FBXL7: variants seen among roughly 807,000 people sequenced by gnomAD.
FBXL7 encodes F-box/LRR-repeat protein 7.
In FBXL7, 12 loss-of-function variants were observed where a neutral mutation model predicts 38.3. The ratio of observed to expected loss-of-function variants is 0.31; its 90% CI spans 0.20 to 0.51. The LOEUF is 0.51. FBXL7 is among the 20% of genes least tolerant of loss of function. FBXL7 has a pLI of 0.98. For synonymous variants in FBXL7, 297 were observed against 300.9 expected (o/e 0.99, Z 0.13); for missense variants, 567 against 676.4 (o/e 0.84, Z 1.79).
intron 2 of FBXL7, among the ~76,000 whole-genome samples, chr5:15,829,028 T>C (rs995596449): frequency 1.3e-5 from 2 of 152,222 alleles, no homozygotes; most frequent in African/African-American, 4.8e-5. Flanking sequence ...AACGCACCCT[T>C]AATTTGAATG....
chr5:15,683,946 C>G (rs1742930723), intron 2 of FBXL7, among the ~76,000 whole-genome samples: 2 of 152,082 alleles, frequency 1.3e-5, no homozygotes, highest in South Asian at 2.1e-4. Context: ...TGTTGCCTCT[C>G]AAGGACTATA....
chr5:15,590,734 C>CCTGGA (rs1163466020), intron 1 of FBXL7, among the ~76,000 whole-genome samples: 1 of 152,124 alleles, frequency 6.6e-6, no homozygotes, highest in East Asian at 1.9e-4. Context: ...TTAGTCCTCC[C>CCTGGA]CTGGACTGTG....
chr5:15,814,247 A>G (rs2126756563), intron 2 of FBXL7, among the ~76,000 whole-genome samples: 1 of 152,334 alleles, frequency 6.6e-6, no homozygotes, highest in East Asian at 1.9e-4. Context: ...CTATGCAGCC[A>G]TAAAAAAGGA....
At chr5:15,833,138 G>A (rs943406846) in intron 2 of FBXL7, among the ~76,000 whole-genome samples, 4 of 152,052 alleles carry the variant, frequency 2.6e-5, no homozygotes, top group East Asian at 1.9e-4. Context: ...CGTCAGTCTC[G>A]GGTATGTCTT....
chr5:15,800,877 T>G (rs923868739), intron 2 of FBXL7, among the ~76,000 whole-genome samples: 2 of 152,178 alleles, frequency 1.3e-5, no homozygotes, highest in Admixed American at 1.3e-4. Context: ...ACAACTGTTT[T>G]GGGGAATGTG....
At chr5:15,787,812 G>T (rs1013471101) in intron 2 of FBXL7, among the ~76,000 whole-genome samples, 5 of 152,154 alleles carry the variant, frequency 3.3e-5, no homozygotes, top group African/African-American at 9.7e-5. Context: ...TTAACATGTG[G>T]TCGTTTCTAT....
chr5:15,938,828 G>A lies in FBXL7; in HGVS notation c.*1642G>A. ...TCAGATAGCCAGAAGAAATTCCATT[G>A]CTGGTTTTCACGAAATTCACTTGTC... is the stretch of plus-strand genomic sequence containing the variant. On this transcript the variant is annotated 3_prime_UTR_variant, in exon 4 of 4. Transcript: ENST00000504595. 2.5e-6 allele frequency: 1 copy of A among 396,164 alleles called. No homozygotes were observed. Among genetic ancestry groups the A allele is most frequent in the Non-Finnish European group, 4.4e-6 (1 of 225,052 alleles). The allele number at this position is 396,164 out of a possible 1,614,324, so 24.5% of individuals were successfully genotyped here. A position where few individuals can be genotyped will look rare whatever the true frequency, so the allele number is the denominator to read the frequency against.
chr5:15,655,451 G>C (rs1380288960), intron 2 of FBXL7, among the ~76,000 whole-genome samples: 11 of 150,864 alleles, frequency 7.3e-5, no homozygotes, highest in Non-Finnish European at 1.2e-4. Flanking sequence ...CCGAGATCTC[G>C]TCACTGCACT....
intron 2 of FBXL7, among the ~76,000 whole-genome samples, chr5:15,897,184 T>A (rs1016908805): frequency 3.3e-5 from 5 of 152,146 alleles, no homozygotes; most frequent in Non-Finnish European, 7.3e-5. Flanking sequence ...TTTTCCTAAT[T>A]CAACAAAATT....
At chr5:15,844,202 A>G (rs781507850) in intron 2 of FBXL7, among the ~76,000 whole-genome samples, 17 of 152,190 alleles carry the variant, frequency 1.1e-4, no homozygotes, top group Non-Finnish European at 2.4e-4. Flanking sequence ...TTAATTGCAT[A>G]CAGATTGGCC....
intron 2 of FBXL7, among the ~76,000 whole-genome samples, chr5:15,688,231 G>C (rs1225449474): frequency 2.0e-5 from 3 of 152,134 alleles, no homozygotes; most frequent in Admixed American, 6.6e-5. Flanking sequence ...CCAGACATTT[G>C]TTACAAAACA....
intron 2 of FBXL7, among the ~76,000 whole-genome samples, chr5:15,831,834 A>G (rs1431522752): frequency 1.3e-5 from 2 of 152,128 alleles, no homozygotes; most frequent in Non-Finnish European, 2.9e-5. Context: ...ATAGACACCT[A>G]TCTGCACCCA....
chr5:15,649,167 T>C (rs914405505), intron 2 of FBXL7, among the ~76,000 whole-genome samples: 2 of 152,116 alleles, frequency 1.3e-5, no homozygotes, highest in Non-Finnish European at 2.9e-5. Flanking sequence ...CAGCTAACTT[T>C]TATATTTTTA....
rs536104259 is a variant in FBXL7, at chr5:15,747,113, G to A, written c.127+131041G>A. On this transcript the variant is annotated intron_variant, in intron 2 of 3. Coordinates refer to ENST00000504595, the MANE Select transcript of FBXL7 (RefSeq NM_012304.5). The stretch of plus-strand genomic sequence containing the variant: ...CACAACTTTGCCCTCAGAAAGATGA[G>A]AAGGGAGGTGGGAATTCAGCAGACT... Among the ~76,000 whole-genome samples the A allele has an allele frequency of 3.3e-5, 5 of 152,274 alleles. No homozygotes were observed. In the East Asian group the frequency reaches 9.7e-4, roughly 29 times the overall value.
intron 1 of FBXL7, among the ~76,000 whole-genome samples, chr5:15,610,579 T>A (rs1039646210): frequency 6.6e-6 from 1 of 152,198 alleles, no homozygotes; most frequent in African/African-American, 2.4e-5. Context: ...ATTTCTTCTC[T>A]GAGCACCACC....
chr5:15,895,853 C>T (rs544433535), intron 2 of FBXL7, among the ~76,000 whole-genome samples: 1 of 151,522 alleles, frequency 6.6e-6, no homozygotes, highest in South Asian at 2.1e-4. Flanking sequence ...ACTCTGTTAG[C>T]CAGGATGGTC....
chr5:15,517,607 T>C (rs569933095), intron 1 of FBXL7, among the ~76,000 whole-genome samples: 3 of 152,216 alleles, frequency 2.0e-5, no homozygotes, highest in East Asian at 3.9e-4. Context: ...GTTCAAGTGA[T>C]GATGAAAGCA....
intron 2 of FBXL7, among the ~76,000 whole-genome samples, chr5:15,820,982 G>A (rs1212848067): frequency 6.6e-6 from 1 of 152,102 alleles, no homozygotes; most frequent in East Asian, 1.9e-4. Flanking sequence ...CATGGTCTGC[G>A]GTATTAAGTG....
At chr5:15,903,501 A>G (rs1169410236) in intron 2 of FBXL7, among the ~76,000 whole-genome samples, 3 of 152,116 alleles carry the variant, frequency 2.0e-5, no homozygotes, top group Non-Finnish European at 4.4e-5. Flanking sequence ...GAGTAGGGAA[A>G]CCCACAATTT....
Sources: gnomAD v4.1 joint callset for allele counts (sites outside exome capture counted in the v4.1 genomes callset) on GRCh38, gnomAD v4.1.1 for gene constraint, MANE v1.5 for transcripts, NCBI Gene and HGNC (gene_info 2026-07-23, HGNC 2026-07-21) for gene names.